RDX: variants seen among roughly 807,000 people sequenced by gnomAD.
RDX encodes deafness, autosomal recessive 24.
In RDX, 32 loss-of-function variants were observed where a neutral mutation model predicts 83.7. That is an observed-to-expected ratio of 0.38 (90% CI 0.29 to 0.51). RDX has a LOEUF of 0.51. Ranked by LOEUF, RDX falls within the 20% of genes least tolerant of loss-of-function variation. The probability of loss-of-function intolerance (pLI) is 0.87; values close to 1 mark genes in which losing one functional copy is unlikely to be tolerated. For synonymous variants in RDX, 229 were observed against 222.7 expected, an observed-to-expected ratio of 1.03 and a Z score of -0.25; for missense variants, 600 against 689.9, an observed-to-expected ratio of 0.87 and a Z score of 1.46.
chr11:110,244,929 GAGA>G lies in RDX; in HGVS notation c.1090+2771_1090+2773del, dbSNP rs555623767. 4.5e-4 allele frequency among the ~76,000 whole-genome samples: 68 copies of G among 151,536 alleles called. 1 individual carries two copies. In the South Asian group the frequency reaches 0.011, roughly 25 times the overall value. On this transcript the variant is annotated intron_variant, in intron 10 of 13. Transcript: ENST00000645495. ...TTCGTAAAAATTGAGCCTCATACTTGAGAAATACGTATATTACTGTATCTGTAC... is the reference window on the plus strand; with the variant it reads ...TTCGTAAAAATTGAGCCTCATACTTGAATACGTATATTACTGTATCTGTAC...
At chr11:110,244,679 C>G (rs1000437540) in intron 10 of RDX, among the ~76,000 whole-genome samples, 3 of 151,952 alleles carry the variant, frequency 2.0e-5, no homozygotes, top group African/African-American at 4.8e-5. Flanking sequence ...TACTAAAAAC[C>G]CTTAAACTGT....
intron 10 of RDX, among the ~76,000 whole-genome samples, chr11:110,244,345 C>G (rs1565311695): frequency 3.1e-5 from 3 of 95,628 alleles, no homozygotes; most frequent in South Asian, 3.7e-4. Flanking sequence ...CCTGGGGCAA[C>G]AGAGTGAGAT....
In RDX at chr11:110,272,584, C is replaced by T; in HGVS notation, c.48G>A (p.Leu16=). The T allele has an allele frequency of 1.2e-6, 2 of 1,612,248 alleles. No homozygotes were observed. Among genetic ancestry groups the T allele is most frequent in the South Asian group, 1.1e-5 (1 of 90,832 alleles). Residue 16 remains leucine (L), a synonymous_variant, in exon 3 of 14, where the codon CTG becomes CTA. Coordinates refer to ENST00000645495, the MANE Select transcript of RDX (RefSeq NM_002906.4). ...NVRVTTMDAE[L]EFAIQPNTTG... ...TTGTATTGGGCTGAATGGCAAATTC[C>T]AGCTCAGCATCCATTGTAGTTACTC...
intron 9 of RDX, among the ~76,000 whole-genome samples, chr11:110,252,149 TAA>T (rs1161268910): frequency 6.6e-6 from 1 of 152,184 alleles, no homozygotes; most frequent in Non-Finnish European, 1.5e-5. Flanking sequence ...TCAAACTGAA[TAA>T]AAGTTACTGA....
At chr11:110,257,291 T>A (rs971631835) in intron 7 of RDX, among the ~76,000 whole-genome samples, 3 of 152,124 alleles carry the variant, frequency 2.0e-5, no homozygotes, top group African/African-American at 7.2e-5. Flanking sequence ...ATTGTATTAA[T>A]GTCCAAACAT....
At chr11:110,285,403 A>G (rs1419687925) in intron 1 of RDX, among the ~76,000 whole-genome samples, 1 of 151,522 alleles carries the variant, frequency 6.6e-6, no homozygotes, top group Non-Finnish European at 1.5e-5. Flanking sequence ...ATAAAAGAGA[A>G]TATTGTTTAA....
At chr11:110,294,885 T>C (rs993064691) in intron 1 of RDX, among the ~76,000 whole-genome samples, 2 of 152,126 alleles carry the variant, frequency 1.3e-5, no homozygotes, top group Non-Finnish European at 2.9e-5. Flanking sequence ...GAACTCAACG[T>C]TTTTTCAATG....
chr11:110,247,950 G>A (rs879313472), intron 9 of RDX, 117 bp from the exon 10 acceptor site: 142 of 1,149,392 alleles, frequency 1.2e-4, no homozygotes, highest in Non-Finnish European at 1.6e-4. Flanking sequence ...CAACTTGGAT[G>A]AAGCTGGAGG....
chr11:110,265,304 T>G (rs934891304), intron 3 of RDX, among the ~76,000 whole-genome samples: 3 of 151,696 alleles, frequency 2.0e-5, no homozygotes, highest in African/African-American at 4.8e-5. Flanking sequence ...GTTGGCCAGG[T>G]TGGTCTCAAA....
intron 14 of RDX, among the ~76,000 whole-genome samples, chr11:110,215,953 A>T (rs891069331): frequency 6.6e-6 from 1 of 152,214 alleles, no homozygotes; most frequent in Non-Finnish European, 1.5e-5. Context: ...CCCAGGGTAC[A>T]GTTTGTTGAG....
At chr11:110,205,274 C>A (rs1418533742) in intron 14 of RDX, among the ~76,000 whole-genome samples, 3 of 151,666 alleles carry the variant, frequency 2.0e-5, no homozygotes, top group Non-Finnish European at 4.4e-5. Flanking sequence ...GTAAAAATAA[C>A]CAAACTTTTA....
Position 110,237,615 on chromosome 11 carries a change from A to T in RDX, c.1128T>A (p.Asp376Glu), listed in dbSNP as rs761232127. The stretch of plus-strand genomic sequence containing the variant: ...CTTCTTTTGCTCGTTTTCGTTCTTG[A>T]TCCAGTTCTAGAGCTTTTCGAGTCT... ...EEQTRKALEL[D>E]QERKRAKEEA... Residue 376 changes from aspartate to glutamate, a missense_variant, in exon 11 of 14, where the codon GAT becomes GAA. Asp to Glu is a conservative substitution (Grantham distance 45). Transcript: ENST00000645495. The T allele has an allele frequency of 2.5e-6, 4 of 1,613,926 alleles. No homozygotes were observed. The East Asian group carries it at 6.7e-5, about 27-fold the overall frequency.
intron 15 of RDX, among the ~76,000 whole-genome samples, chr11:110,177,350 G>A (rs1862796399): frequency 6.6e-6 from 1 of 152,174 alleles, no homozygotes; most frequent in Non-Finnish European, 1.5e-5. Flanking sequence ...CCTTAATCTT[G>A]AAGCTCAGCT....
At chr11:110,207,694 A>G (rs913048663) in intron 14 of RDX, among the ~76,000 whole-genome samples, 1 of 152,198 alleles carries the variant, frequency 6.6e-6, no homozygotes, top group Admixed American at 6.5e-5. Context: ...TTAAGTGTCC[A>G]TAAATAAAAT....
At chr11:110,279,177 A>ATC (rs1860648859) in intron 2 of RDX, among the ~76,000 whole-genome samples, 1 of 152,220 alleles carries the variant, frequency 6.6e-6, no homozygotes, top group Admixed American at 6.5e-5. Context: ...TCCCTTGGGT[A>ATC]ACTAATTATA....
intron 14 of RDX, among the ~76,000 whole-genome samples, chr11:110,201,903 TTGTGTGTGTGTGTGTGTG>T (rs141731309): frequency 0.062 from 8,563 of 137,304 alleles, 797 homozygotes; most frequent in African/African-American, 0.2. Flanking sequence ...CCGGCTAATT[TTGTGTGTGTGTGTGTGTG>T]TGTGTGTGTG....
At chr11:110,205,137 G>A (rs75051526) in intron 14 of RDX, among the ~76,000 whole-genome samples, 3,238 of 152,032 alleles carry the variant, frequency 0.021, 59 homozygotes, top group Non-Finnish European at 0.031. Context: ...GGATCAATAG[G>A]AAAAGGATGA....
At chr11:110,209,131 G>A (rs1470583660) in intron 14 of RDX, among the ~76,000 whole-genome samples, 5 of 152,186 alleles carry the variant, frequency 3.3e-5, no homozygotes, top group African/African-American at 9.6e-5. Flanking sequence ...GTGGATGCGC[G>A]CACCGTGCGC....
At chr11:110,181,622 C>T (rs1862888246) in intron 15 of RDX, among the ~76,000 whole-genome samples, 1 of 152,228 alleles carries the variant, frequency 6.6e-6, no homozygotes, top group African/African-American at 2.4e-5. Flanking sequence ...GGGCATGGCC[C>T]CTGTGCCTTC....
Sources: allele counts gnomAD v4.1 joint callset (sites outside exome capture counted in the v4.1 genomes callset), GRCh38; gene constraint gnomAD v4.1.1; transcripts MANE v1.5; gene names NCBI Gene and HGNC (gene_info 2026-07-23, HGNC 2026-07-21).